Variants in COL4A6 observed in about 807,000 individuals in gnomAD.
COL4A6 encodes collagen type IV alpha 6 chain.
In COL4A6, 59 loss-of-function variants were observed where a neutral mutation model predicts 126.7. That is an observed-to-expected ratio of 0.47 (90% CI 0.38 to 0.58). The LOEUF is 0.58. Ranked by LOEUF, COL4A6 falls within the 20% of genes least tolerant of loss-of-function variation. COL4A6 has a pLI of 0.00. For missense variants in COL4A6, 1,285 were observed against 1,337.3 expected (o/e 0.96, Z 0.61); for synonymous variants, 547 against 496.6 (o/e 1.10, Z -1.35).
intron 2 of COL4A6, among the ~76,000 whole-genome samples, chrX:108,352,353 G>A (rs2039864975): frequency 8.9e-6 from 1 of 112,514 alleles, no homozygotes; most frequent in African/African-American, 3.2e-5. Flanking sequence ...AGGCAACAAG[G>A]AGTCAATGTA....
chrX:108,254,331 G>A (rs1216869469), intron 3 of COL4A6, among the ~76,000 whole-genome samples: 1 of 110,871 alleles, frequency 9.0e-6, no homozygotes, highest in Non-Finnish European at 1.9e-5. Flanking sequence ...AGCCTATCAG[G>A]ATTTTACTGA....
At chrX:108,302,789 G>A (rs1386338485) in intron 3 of COL4A6, among the ~76,000 whole-genome samples, 1 of 110,864 alleles carries the variant, frequency 9.0e-6, no homozygotes, top group African/African-American at 3.3e-5. Context: ...CACCTGATGA[G>A]GATGCCAGTG....
At chrX:108,328,443 G>A (rs1051550215) in intron 2 of COL4A6, among the ~76,000 whole-genome samples, 1 of 110,484 alleles carries the variant, frequency 9.1e-6, no homozygotes, top group Non-Finnish European at 1.9e-5. Flanking sequence ...GAAAGAGAGA[G>A]AGAGAAATGG....
chrX:108,358,456 A>G (rs2040005435), intron 2 of COL4A6, among the ~76,000 whole-genome samples: 1 of 105,206 alleles, frequency 9.5e-6, no homozygotes, highest in East Asian at 3.0e-4. Flanking sequence ...GTGTAGTGGC[A>G]CAATCTGGGC....
In COL4A6 at chrX:108,171,395, C is replaced by G. The variant is rs769241359; in HGVS notation, c.3269G>C (p.Gly1090Ala). Residue 1090 changes from glycine (G) to alanine (A), a missense_variant, in exon 33 of 45, where the codon GGT becomes GCT. Physicochemically the swap from Gly to Ala is moderately conservative, Grantham distance 60. Coordinates refer to ENST00000334504, the MANE Select transcript of COL4A6 (RefSeq NM_033641.4). ...AAATATAGCAACCTTACCTTTAAAA[C>G]CAGATTCGCCAGGCTGTCCCTTGGG... ...PGPKGQPGES[G>A]FKGTKGRDGL... 3.0e-5 allele frequency: 36 copies of G among 1,208,220 alleles called. No homozygotes were observed. In the Admixed American group the frequency reaches 7.7e-4, roughly 26 times the overall value.
chrX:108,353,682 G>A (rs1186218271), intron 2 of COL4A6, among the ~76,000 whole-genome samples: 2 of 111,815 alleles, frequency 1.8e-5, no homozygotes, highest in Non-Finnish European at 3.8e-5. Flanking sequence ...AACCAAAAGA[G>A]CACAGGGCAT....
chrX:108,279,312 T>C (rs1182098501), intron 3 of COL4A6, among the ~76,000 whole-genome samples: 3 of 110,278 alleles, frequency 2.7e-5, no homozygotes, highest in South Asian at 3.9e-4. Flanking sequence ...ACCAAGCCAA[T>C]GGAAAACAAA....
chrX:108,251,796 C>T (rs757435751), intron 3 of COL4A6, among the ~76,000 whole-genome samples: 44 of 111,425 alleles, frequency 3.9e-4, no homozygotes, highest in African/African-American at 1.3e-3. Context: ...ATGGTTATGA[C>T]GAATTATGTT....
chrX:108,186,567 A>G (rs1446272385), intron 23 of COL4A6, among the ~76,000 whole-genome samples: 1 of 111,849 alleles, frequency 8.9e-6, no homozygotes, highest in East Asian at 2.8e-4. Flanking sequence ...GTTACACATA[A>G]TTTCTAAAAT....
intron 2 of COL4A6, among the ~76,000 whole-genome samples, chrX:108,360,534 CT>C (rs5903322): frequency 0.22 from 18,323 of 83,977 alleles, 2,123 homozygotes; most frequent in East Asian, 0.52. Flanking sequence ...ACACTTTAAC[CT>C]TTTTTTTTTT....
intron 2 of COL4A6, among the ~76,000 whole-genome samples, chrX:108,372,952 C>T (rs753958165): frequency 8.9e-6 from 1 of 112,432 alleles, no homozygotes; most frequent in South Asian, 3.7e-4. Flanking sequence ...TGGATTCATA[C>T]CTTAGACAGG....
At chrX:108,238,097 T>G (rs2036480860) in intron 3 of COL4A6, among the ~76,000 whole-genome samples, 1 of 104,127 alleles carries the variant, frequency 9.6e-6, no homozygotes, top group South Asian at 4.3e-4. Context: ...TGGTTTTGGG[T>G]GTGTGTGTGT....
At position 108,187,274 on chromosome X, in the gene COL4A6, A is replaced by G. The variant is rs1199801834; in HGVS notation, c.1773T>C (p.Asp591=). The change falls in exon 23 of 45, where the codon GAT becomes GAC. Residue 591 remains aspartate (D), a synonymous_variant. Coordinates refer to ENST00000334504, the MANE Select transcript of COL4A6 (RefSeq NM_033641.4). Reference sequence around the variant, plus strand: ...TTTCACCTGGGAAGCCCTGTCCACCATCACCCTAGACAACATATAAAACAA... The same window carrying G: ...TTTCACCTGGGAAGCCCTGTCCACCGTCACCCTAGACAACATATAAAACAA... ...GLPGLPGLPG[D]GGQGFPGEKG... 6 of 1,150,185 alleles carry G rather than the reference A, an allele frequency of 5.2e-6. No individual in the cohort carries two copies. The highest frequency in any genetic ancestry group is 7.0e-6 in the Non-Finnish European group (6 of 860,073). 94.8% of individuals were successfully genotyped at this position (1,150,185 alleles called of 1,213,427 possible).
intron 2 of COL4A6, among the ~76,000 whole-genome samples, chrX:108,342,754 G>A (rs1022643430): frequency 9.0e-6 from 1 of 111,484 alleles, no homozygotes; most frequent in African/African-American, 3.3e-5. Flanking sequence ...TAGCTACCCA[G>A]TGGATATTTA....
chrX:108,230,815 T>C (rs1280287845), intron 3 of COL4A6, among the ~76,000 whole-genome samples: 1 of 111,604 alleles, frequency 9.0e-6, no homozygotes, highest in Non-Finnish European at 1.9e-5. Context: ...CTGTGCTCTC[T>C]CTGTTGAAAC....
Position 108,175,070 on chromosome X carries a change from T to A in COL4A6, c.2956+20A>T, listed in dbSNP as rs2034436244. ...AAGCCTCTCTTGAGCATTTCTCCTA[T>A]CCATCCCCTGCCCCAGCACCTCTTG... On this transcript the variant is annotated intron_variant, in intron 30 of 44. Coordinates refer to ENST00000334504, the MANE Select transcript of COL4A6 (RefSeq NM_033641.4). The A allele has an allele frequency of 1.7e-6, 2 of 1,165,155 alleles. No individual in the cohort carries two copies. The highest frequency in any genetic ancestry group is 3.2e-5 in the East Asian group (1 of 31,717).
At chrX:108,295,310 C>G (rs1346548037) in intron 3 of COL4A6, among the ~76,000 whole-genome samples, 1 of 111,828 alleles carries the variant, frequency 8.9e-6, no homozygotes, top group Admixed American at 9.5e-5. Flanking sequence ...ACACTTCTTT[C>G]GGGAGCTCTG....
chrX:108,325,870 C>T (rs1294111511), intron 2 of COL4A6, among the ~76,000 whole-genome samples: 1 of 110,538 alleles, frequency 9.0e-6, no homozygotes, highest in Non-Finnish European at 1.9e-5. Context: ...GAAAATCCAG[C>T]CTCTACTGTG....
intron 2 of COL4A6, among the ~76,000 whole-genome samples, chrX:108,320,709 T>C (rs1400206668): frequency 8.9e-6 from 1 of 112,248 alleles, no homozygotes; most frequent in African/African-American, 3.2e-5. Flanking sequence ...AATAAATTTG[T>C]CTTGAATTAG....
Sources: gnomAD v4.1 joint callset for allele counts (sites outside exome capture counted in the v4.1 genomes callset) on GRCh38, gnomAD v4.1.1 for gene constraint, MANE v1.5 for transcripts, NCBI Gene and HGNC (gene_info 2026-07-23, HGNC 2026-07-21) for gene names.